UBE4B: variants seen among roughly 807,000 people sequenced by gnomAD.
UBE4B encodes ubiquitin conjugation factor E4 B.
UBE4B carries 27 observed loss-of-function variants against 148.1 expected under a neutral mutation model. The observed-to-expected ratio is 0.18, with a 90% CI of 0.13 to 0.25. The LOEUF is 0.25. UBE4B is among the 10% of genes least tolerant of loss of function. The probability of loss-of-function intolerance (pLI) is 1.00; values close to 1 mark genes in which losing one functional copy is unlikely to be tolerated. For missense variants in UBE4B, 1,170 were observed against 1,662.4 expected (o/e 0.70, Z 5.15); for synonymous variants, 596 against 619.3 (o/e 0.96, Z 0.56).
In UBE4B at chr1:10,122,003, G is replaced by A; in HGVS notation, c.1481G>A (p.Cys494Tyr). The change falls in exon 10 of 28, where the codon TGT becomes TAT. Residue 494 changes from cysteine (C) to tyrosine (Y), a missense_variant. This residue lies in a region of UBE4B where 388 missense variants were observed against 536.0 expected (regional missense o/e 0.72). Transcript: ENST00000343090. ...TCCTTCCTAGTGCCGTATATGCTGT[G>A]TAGGAATCTCCCATATGGCTTCATT... is the stretch of plus-strand genomic sequence containing the variant. Reference protein sequence around the residue: ...QPSFLVPYMLCRNLPYGFIQE... With the variant: ...QPSFLVPYMLYRNLPYGFIQE... The A allele has an allele frequency of 6.2e-7, 1 of 1,613,740 alleles. No individual in the cohort carries two copies. The highest frequency in any genetic ancestry group is 1.1e-5 in the South Asian group (1 of 91,070).
Position 10,158,499 on chromosome 1 carries a change from T to G in UBE4B, c.3053+17T>G, listed in dbSNP as rs775979735. ...GGAGTTCAAGTGAGTATGGGGCCCC[T>G]CGTGTCACAACTTGCTTTCTTGCAA... On this transcript the variant is annotated intron_variant, in intron 22 of 27. Transcript: ENST00000343090. 8.1e-6 allele frequency: 13 copies of G among 1,608,252 alleles called. No individual in the cohort carries two copies. The African/African-American group carries it at 1.5e-4, about 18-fold the overall frequency.
intron 23 of UBE4B, chr1:10,163,465 C>T (rs1239040486): frequency 6.6e-6 from 1 of 152,128 alleles, no homozygotes; most frequent in Non-Finnish European, 1.5e-5. Context: ...GTCAAGAGAT[C>T]AAGAACATCC....
chr1:10,087,008 G>A (rs971832483), intron 2 of UBE4B, among the ~76,000 whole-genome samples: 1 of 152,308 alleles, frequency 6.6e-6, no homozygotes, highest in South Asian at 2.1e-4. Flanking sequence ...TATGCTAAAA[G>A]TGGACAAGAC....
intron 1 of UBE4B, 57 bp from the exon 2 acceptor site, chr1:10,071,971 G>A: frequency 6.8e-7 from 1 of 1,479,630 alleles, no homozygotes; most frequent in Non-Finnish European, 9.0e-7. Flanking sequence ...TCATTCTCTG[G>A]CAGAATTGTG....
At chr1:10,057,243 G>A (rs72859590) in intron 1 of UBE4B, among the ~76,000 whole-genome samples, 6,603 of 151,952 alleles carry the variant, frequency 0.043, 207 homozygotes, top group African/African-American at 0.085. Context: ...GGGGTTAGGC[G>A]TGTTTAACGT....
At chr1:10,149,077 A>G in intron 19 of UBE4B, 107 bp from the exon 20 acceptor site, 4 of 783,036 alleles carry the variant, frequency 5.1e-6, no homozygotes, top group Non-Finnish European at 8.1e-6. Context: ...TTACAGAATG[A>G]TTTTCTTCCC....
intron 4 of UBE4B, 46 bp from the exon 5 acceptor site, chr1:10,102,902 C>CA (rs762272601): frequency 6.4e-7 from 1 of 1,569,634 alleles, no homozygotes; most frequent in African/African-American, 1.4e-5. Flanking sequence ...ACACCTAACT[C>CA]ATACCTCTTA....
rs540037910 is a variant in UBE4B, at chr1:10,152,024, C to T, written c.2926+463C>T. ...CTGTAATCCCAGCACTTTGGGAGGC[C>T]GAGGCGGGCGGATCACAAGGTCAGG... On this transcript the variant is annotated intron_variant, in intron 21 of 27. Coordinates refer to ENST00000343090, the MANE Select transcript of UBE4B (RefSeq NM_001105562.3). 1.5e-3 allele frequency among the ~76,000 whole-genome samples: 229 copies of T among 151,754 alleles called. 1 individual carries two copies. Among genetic ancestry groups the T allele is most frequent in the African/African-American group, 5.5e-3 (227 of 41,362 alleles).
At chr1:10,034,072 G>C (rs1643407874) in intron 1 of UBE4B, among the ~76,000 whole-genome samples, 1 of 152,190 alleles carries the variant, frequency 6.6e-6, no homozygotes, top group South Asian at 2.1e-4. Context: ...GATGGAATGA[G>C]AATGTATGGT....
chr1:10,062,849 G>A (rs1466208664), intron 1 of UBE4B, among the ~76,000 whole-genome samples: 7 of 151,692 alleles, frequency 4.6e-5, no homozygotes, highest in African/African-American at 9.7e-5. Flanking sequence ...CCAGCGACTC[G>A]GGAGGCTGAG....
chr1:10,150,631 G>T (rs1645955105), intron 20 of UBE4B, among the ~76,000 whole-genome samples: 1 of 152,146 alleles, frequency 6.6e-6, no homozygotes, highest in African/African-American at 2.4e-5. Context: ...GGAGGCCAAG[G>T]TGGGCAAATC....
chr1:10,105,689 G>A lies in UBE4B; in HGVS notation c.754G>A (p.Gly252Arg), dbSNP rs527831194. Residue 252 changes from glycine (G) to arginine (R), a missense_variant, in exon 6 of 28, where the codon GGA (glycine) becomes AGA (arginine). Around this residue, in one of 6 missense-constraint regions of UBE4B, gnomAD observed 214 missense variants for 209.1 expected, o/e 1.02. Transcript: ENST00000343090. ...NLLLNTGSNP[G>R]TSPMFCSVAS... is the part of the protein sequence containing the mutation. ...CTTGCTAAACACTGGCTCCAATCCAGGAACAAGCCCCATGTTCTGCAGCGT... is the reference window on the plus strand; with the variant it reads ...CTTGCTAAACACTGGCTCCAATCCAAGAACAAGCCCCATGTTCTGCAGCGT... The A allele has an allele frequency of 2.5e-6, 4 of 1,614,178 alleles. No individual in the cohort carries two copies. Among genetic ancestry groups the A allele is most frequent in the African/African-American group, 2.7e-5 (2 of 75,056 alleles).
chr1:10,035,587 T>C (rs1183175044), intron 1 of UBE4B, among the ~76,000 whole-genome samples: 4 of 148,440 alleles, frequency 2.7e-5, no homozygotes, highest in East Asian at 2.0e-4. Context: ...TTTGTGTTTT[T>C]AGTAGAGACG....
intron 1 of UBE4B, among the ~76,000 whole-genome samples, chr1:10,056,390 G>A (rs1644169616): frequency 6.6e-6 from 1 of 152,174 alleles, no homozygotes; most frequent in South Asian, 2.1e-4. Context: ...ACTATTTACT[G>A]TGTGTCAAGT....
rs1570788911 is a variant in UBE4B, at chr1:10,054,668, C to T, written c.25-17360C>T. On this transcript the variant is annotated intron_variant, in intron 1 of 27. Coordinates refer to ENST00000343090, the MANE Select transcript of UBE4B (RefSeq NM_001105562.3). ...TGCCATTGTTCATTTACTACAATGC[C>T]AGCAGCATGCTGGGTAACATTGTAG... The T allele has an allele frequency of 1.1e-5, 3 of 266,682 alleles. No individual in the cohort carries two copies. In the East Asian group the frequency reaches 2.8e-4, roughly 25 times the overall value. The allele number at this position is 266,682 out of a possible 1,614,324, so 16.5% of individuals were successfully genotyped here.
At chr1:10,090,400 C>T (rs1222259368) in intron 2 of UBE4B, among the ~76,000 whole-genome samples, 1 of 152,078 alleles carries the variant, frequency 6.6e-6, no homozygotes, top group Admixed American at 6.6e-5. Flanking sequence ...GAATTATAGG[C>T]GTGAGCCACC....
At chr1:10,083,983 C>T (rs2101852946) in intron 2 of UBE4B, among the ~76,000 whole-genome samples, 1 of 152,220 alleles carries the variant, frequency 6.6e-6, no homozygotes, top group African/African-American at 2.4e-5. Context: ...CCTGTTTTGA[C>T]TTGGGGTTGA....
chr1:10,153,388 G>A (rs911882048), intron 21 of UBE4B, among the ~76,000 whole-genome samples: 14 of 150,614 alleles, frequency 9.3e-5, no homozygotes, highest in African/African-American at 3.4e-4. Flanking sequence ...TACTAAGGAG[G>A]CAGAGGTGGG....
At chr1:10,175,479 A>G (rs7553668) in intron 25 of UBE4B, among the ~76,000 whole-genome samples, 64,116 of 149,346 alleles carry the variant, frequency 0.43, 17,205 homozygotes, top group African/African-American at 0.77. Flanking sequence ...GTGAAACCCC[A>G]TCTCTACTAA....
Sources: allele counts gnomAD v4.1 joint callset (sites outside exome capture counted in the v4.1 genomes callset), GRCh38; gene constraint gnomAD v4.1.1; regional missense constraint gnomAD v4.1.1; transcripts MANE v1.5; gene names NCBI Gene and HGNC (gene_info 2026-07-23, HGNC 2026-07-21).